CA10: variants seen among roughly 807,000 people sequenced by gnomAD.
CA10 encodes the protein carbonic anhydrase 10 (inactive).
CA10 carries 14 observed loss-of-function variants against 44.2 expected under a neutral mutation model. The observed-to-expected ratio is 0.32, with a 90% CI of 0.21 to 0.50. The LOEUF (loss-of-function observed/expected upper bound fraction) is 0.50, where lower values mean the gene tolerates loss of function less well. Among genes scored for constraint, CA10 ranks in the 20% least tolerant of loss-of-function variants. The pLI, the probability that CA10 is intolerant of heterozygous loss-of-function variation, is 0.99. For missense variants in CA10, 350 were observed against 409.7 expected, an observed-to-expected ratio of 0.85 and a Z score of 1.26; for synonymous variants, 159 against 141.6, an observed-to-expected ratio of 1.12 and a Z score of -0.87.
chr17:51,970,968 T>C (rs1168817557), intron 2 of CA10, among the ~76,000 whole-genome samples: 1 of 152,074 alleles, frequency 6.6e-6, no homozygotes, highest in Non-Finnish European at 1.5e-5. Context: ...TGGGAAATAT[T>C]GCCCTGACCA....
At chr17:51,842,710 C>CTT (rs57861014) in intron 3 of CA10, among the ~76,000 whole-genome samples, 22 of 147,326 alleles carry the variant, frequency 1.5e-4, no homozygotes, top group African/African-American at 4.5e-4. Context: ...CATATTAAAC[C>CTT]TTTTTTTTTT....
chr17:51,800,461 T>C (rs1184373879), intron 3 of CA10, among the ~76,000 whole-genome samples: 3 of 152,146 alleles, frequency 2.0e-5, no homozygotes, highest in African/African-American at 7.2e-5. Flanking sequence ...AACATTAAAT[T>C]ATACACCTGA....
At chr17:51,840,228 T>A (rs1260497333) in intron 3 of CA10, among the ~76,000 whole-genome samples, 3 of 152,182 alleles carry the variant, frequency 2.0e-5, no homozygotes, top group South Asian at 2.1e-4. Context: ...TTTCTTTAGT[T>A]TGAGAGCACA....
At position 51,650,957 on chromosome 17, in the gene CA10, A is replaced by G. The variant is rs186630427; in HGVS notation, c.562-1703T>C. Among the ~76,000 whole-genome samples the G allele has an allele frequency of 3.9e-5, 6 of 152,324 alleles. No individual in the cohort carries two copies. In the East Asian group the frequency reaches 5.8e-4, roughly 15 times the overall value. ...TTAAGTGGGAAGTTAATGGTGTGTG[A>G]TTGAGCAGCAATTACAGCCAAATCT... On this transcript the variant is annotated intron_variant, in intron 5 of 8. Transcript: ENST00000451037.
chr17:51,842,458 C>G (rs765291716), intron 3 of CA10, among the ~76,000 whole-genome samples: 49 of 152,198 alleles, frequency 3.2e-4, no homozygotes, highest in Non-Finnish European at 6.2e-4. Context: ...TAAACACTAC[C>G]GAGATTGAGT....
intron 3 of CA10, among the ~76,000 whole-genome samples, chr17:51,810,250 A>G (rs1430091649): frequency 3.3e-5 from 5 of 152,238 alleles, no homozygotes; most frequent in African/African-American, 1.2e-4. Context: ...AGCAGGAACC[A>G]TGTCTGTCTG....
At chr17:51,947,078 T>C (rs938036901) in intron 2 of CA10, among the ~76,000 whole-genome samples, 10 of 152,222 alleles carry the variant, frequency 6.6e-5, no homozygotes, top group Non-Finnish European at 1.3e-4. Context: ...GCTTCCATTG[T>C]CTCAGAAATG....
chr17:51,667,014 T>A (rs1431626878), intron 4 of CA10, among the ~76,000 whole-genome samples: 1 of 152,154 alleles, frequency 6.6e-6, no homozygotes, highest in Admixed American at 6.5e-5. Context: ...CACATTTATG[T>A]GGAAAAGTAT....
chr17:52,035,562 A>G (rs1986592828), intron 2 of CA10, among the ~76,000 whole-genome samples: 1 of 152,208 alleles, frequency 6.6e-6, no homozygotes, highest in Non-Finnish European at 1.5e-5. Context: ...CAAAAAAACA[A>G]AAGACTCACT....
At chr17:52,023,226 C>T (rs1429753261) in intron 2 of CA10, among the ~76,000 whole-genome samples, 1 of 152,034 alleles carries the variant, frequency 6.6e-6, no homozygotes, top group Non-Finnish European at 1.5e-5. Flanking sequence ...GCTACAGTAA[C>T]CAAAACAGCA....
At chr17:51,992,022 A>G (rs962446688) in intron 2 of CA10, among the ~76,000 whole-genome samples, 1 of 152,094 alleles carries the variant, frequency 6.6e-6, no homozygotes, top group African/African-American at 2.4e-5. Flanking sequence ...GAAGTAAAAC[A>G]TCCGTGATTT....
rs756928744 is a variant in CA10 at position 51,925,664 on chromosome 17, A to G, written c.279+5326T>C. Among the ~76,000 whole-genome samples, 24 of 152,196 alleles carry G rather than the reference A, an allele frequency of 1.6e-4. 1 individual carries two copies. Among genetic ancestry groups the G allele is most frequent in the Non-Finnish European group, 2.4e-4 (16 of 68,038 alleles). ...TTTTCATTGCAGCCTTATTCACAATAATCAAAAGCTGGATGCAACCCAAAT... is the reference window on the plus strand; with the variant it reads ...TTTTCATTGCAGCCTTATTCACAATGATCAAAAGCTGGATGCAACCCAAAT... On this transcript the variant is annotated intron_variant, in intron 3 of 8. Coordinates refer to ENST00000451037, the MANE Select transcript of CA10 (RefSeq NM_020178.5).
chr17:51,797,313 T>A (rs1906747249), intron 3 of CA10, among the ~76,000 whole-genome samples: 1 of 152,206 alleles, frequency 6.6e-6, no homozygotes, highest in African/African-American at 2.4e-5. Flanking sequence ...TCAAACTCTA[T>A]CTTGTTCTAA....
Position 51,801,569 on chromosome 17 carries a change from A to G in CA10, c.280-53751T>C, listed in dbSNP as rs936137364. 1.3e-5 allele frequency among the ~76,000 whole-genome samples: 2 copies of G among 152,272 alleles called. 1 individual carries two copies. Among genetic ancestry groups the G allele is most frequent in the Admixed American group, 1.3e-4 (2 of 15,302 alleles). ...GGCTGTAGAATTGTTCTGTGGGGACAGACAATGAAAAAAAAAAGTGTGATC... is the reference window on the plus strand; with the variant it reads ...GGCTGTAGAATTGTTCTGTGGGGACGGACAATGAAAAAAAAAAGTGTGATC... On this transcript the variant is annotated intron_variant, in intron 3 of 8. Transcript: ENST00000451037.
intron 1 of CA10, among the ~76,000 whole-genome samples, chr17:52,072,716 C>A (rs947809758): frequency 8.1e-6 from 1 of 123,466 alleles, no homozygotes; most frequent in African/African-American, 3.2e-5. Flanking sequence ...CACACACACA[C>A]AACACACACA....
intron 2 of CA10, among the ~76,000 whole-genome samples, chr17:52,071,246 T>C (rs532769178): frequency 6.6e-6 from 1 of 152,364 alleles, no homozygotes; most frequent in Non-Finnish European, 1.5e-5. Flanking sequence ...AAGTTAATAA[T>C]ATTCATTTCT....
rs1214348013 is a variant in CA10, at chr17:51,978,298, T to C, written c.137-47166A>G. 2.0e-5 allele frequency among the ~76,000 whole-genome samples: 3 copies of C among 152,120 alleles called. No homozygotes were observed. In the East Asian group the frequency reaches 5.8e-4, roughly 29 times the overall value. On this transcript the variant is annotated intron_variant, in intron 2 of 8. Transcript: ENST00000451037. ...CAAAATAGTGAGGTATTCACATTAA[T>C]ATAAGCAAATAGATCAATGGAACAG...
chr17:51,992,802 A>G (rs1366130821), intron 2 of CA10, among the ~76,000 whole-genome samples: 3 of 152,150 alleles, frequency 2.0e-5, no homozygotes, highest in African/African-American at 7.2e-5. Flanking sequence ...TAATGGATAG[A>G]TGAGCACTCA....
In CA10 at chr17:51,834,419, T is replaced by A. The variant is rs528211300; in HGVS notation, c.280-86601A>T. 5.6e-4 allele frequency among the ~76,000 whole-genome samples: 85 copies of A among 152,354 alleles called. 1 individual carries two copies. The South Asian group carries it at 0.017, about 31-fold the overall frequency. On this transcript the variant is annotated intron_variant, in intron 3 of 8. Coordinates refer to ENST00000451037, the MANE Select transcript of CA10 (RefSeq NM_020178.5). The stretch of plus-strand genomic sequence containing the variant: ...CCTCCTTCCTCAGATTCTCTGTTCA[T>A]GCCCCTGAAAGACATCATCTGTACA...
Sources: gnomAD v4.1 joint callset for allele counts (sites outside exome capture counted in the v4.1 genomes callset) on GRCh38, gnomAD v4.1.1 for gene constraint, MANE v1.5 for transcripts, NCBI Gene and HGNC (gene_info 2026-07-23, HGNC 2026-07-21) for gene names.